QPCT: variants seen among roughly 807,000 people sequenced by gnomAD.
QPCT encodes glutaminyl-peptide cyclotransferase.
A neutral mutation model predicts 43.4 loss-of-function variants in QPCT; 44 were observed. The ratio of observed to expected loss-of-function variants is 1.01; its 90% CI spans 0.80 to 1.30. The LOEUF is 1.30. QPCT is among the 50% of genes most tolerant of loss of function. The pLI is 0.00. For missense variants in QPCT, 526 were observed against 436.5 expected, an observed-to-expected ratio of 1.21 and a Z score of -1.83; for synonymous variants, 168 against 168.4, an observed-to-expected ratio of 1.00 and a Z score of 0.02.
intron 1 of QPCT, among the ~76,000 whole-genome samples, chr2:37,347,481 G>C (rs936356474): frequency 7.3e-5 from 11 of 151,632 alleles, no homozygotes; most frequent in Non-Finnish European, 2.9e-5. Flanking sequence ...AAAGTGTGGG[G>C]CTAGCAGGGA....
chr2:37,352,609 G>A (rs745954477), intron 1 of QPCT, among the ~76,000 whole-genome samples, 180 bp from the exon 2 acceptor site: 4 of 152,194 alleles, frequency 2.6e-5, no homozygotes, highest in African/African-American at 7.2e-5. Flanking sequence ...TGGGATTACA[G>A]GCTTGAGCCA....
chr2:37,355,501 CTT>C (rs934808562), intron 2 of QPCT, among the ~76,000 whole-genome samples: 1 of 151,478 alleles, frequency 6.6e-6, no homozygotes, highest in Non-Finnish European at 1.5e-5. Flanking sequence ...AAAGGGTAAA[CTT>C]GATATAAAAT....
intron 1 of QPCT, among the ~76,000 whole-genome samples, chr2:37,348,943 T>C (rs1325086881): frequency 6.6e-6 from 1 of 152,260 alleles, no homozygotes; most frequent in Non-Finnish European, 1.5e-5. Context: ...TCGCTCTTTC[T>C]TTCCAGCTTT....
At chr2:37,362,790 G>A (rs1343475511) in intron 3 of QPCT, among the ~76,000 whole-genome samples, 5 of 152,218 alleles carry the variant, frequency 3.3e-5, no homozygotes, top group African/African-American at 1.2e-4. Context: ...AATTAGAGAT[G>A]TGATAAGCTG....
intron 1 of QPCT, among the ~76,000 whole-genome samples, chr2:37,350,324 C>T (rs1296898694): frequency 6.6e-6 from 1 of 152,218 alleles, no homozygotes; most frequent in African/African-American, 2.4e-5. Flanking sequence ...CTTCTGACCT[C>T]TTGCCTCCAT....
chr2:37,344,777 C>A lies in QPCT; in HGVS notation c.46C>A (p.Leu16Met). ...GCGCGTCGTGGGCACCCTCCACCTG[C>A]TGCTGCTGGTGGCCGCCCTGCCCTG... ...HRRVVGTLHL[L>M]LLVAALPWAS... is the part of the protein sequence containing the mutation. The change falls in exon 1 of 7, where the codon CTG becomes ATG. Residue 16 changes from leucine (L) to methionine (M), a missense_variant. Leu to Met is a conservative substitution (Grantham distance 15). Coordinates refer to ENST00000338415, the MANE Select transcript of QPCT (RefSeq NM_012413.4). The A allele has an allele frequency of 6.2e-7, 1 of 1,609,774 alleles. No individual in the cohort carries two copies. Among genetic ancestry groups the A allele is most frequent in the Non-Finnish European group, 8.5e-7 (1 of 1,178,834 alleles).
chr2:37,366,919 G>A (rs1250129988), intron 3 of QPCT, among the ~76,000 whole-genome samples: 1 of 152,234 alleles, frequency 6.6e-6, no homozygotes, highest in African/African-American at 2.4e-5. Context: ...TGTATGGGAA[G>A]TGGGTGGTGT....
intron 2 of QPCT, among the ~76,000 whole-genome samples, chr2:37,356,467 G>A (rs1672747638): frequency 2.0e-5 from 3 of 152,152 alleles, no homozygotes; most frequent in African/African-American, 7.2e-5. Flanking sequence ...TGGTATTGGG[G>A]AAGGCAGCTG....
rs754309205 is a variant in QPCT at position 37,372,857 on chromosome 2, C to G, written c.*30C>G. 3.2e-5 allele frequency: 49 copies of G among 1,553,810 alleles called. No homozygotes were observed. Among genetic ancestry groups the G allele is most frequent in the Admixed American group, 2.5e-4 (13 of 51,602 alleles). On this transcript the variant is annotated 3_prime_UTR_variant, in exon 7 of 7. Transcript: ENST00000338415. Reference sequence around the variant, plus strand: ...CTGATTTAGTTTAGGATAATTGGTTCTAGAATTGAATTCAAAAGTCAAGGC... The same window carrying G: ...CTGATTTAGTTTAGGATAATTGGTTGTAGAATTGAATTCAAAAGTCAAGGC...
Position 37,372,676 on chromosome 2 carries a change from T to A in QPCT, c.941-6T>A. 6.2e-7 allele frequency: 1 copy of A among 1,610,838 alleles called. No individual in the cohort carries two copies. The highest frequency in any genetic ancestry group is 8.5e-7 in the Non-Finnish European group (1 of 1,178,818). Reference sequence around the variant, plus strand: ...ACATTGTTACAAGTTGGTTCTTTCTTAATAGGTGTTCCAGTTCTGCATCTG... The same window carrying A: ...ACATTGTTACAAGTTGGTTCTTTCTAAATAGGTGTTCCAGTTCTGCATCTG... On this transcript the variant is annotated splice_polypyrimidine_tract_variant and splice_region_variant and intron_variant, in intron 6 of 6. Transcript: ENST00000338415.
chr2:37,344,636 C>A lies in QPCT; in HGVS notation c.-96C>A. On this transcript the variant is annotated 5_prime_UTR_variant, in exon 1 of 7. Coordinates refer to ENST00000338415, the MANE Select transcript of QPCT (RefSeq NM_012413.4). ...GCGATGGGAAGGCGGGCGCAGTCGA[C>A]CCAAGGGTGGAGAAGAGGGAAGGCG... 6.7e-7 allele frequency: 1 copy of A among 1,495,820 alleles called. No individual in the cohort carries two copies. The highest frequency in any genetic ancestry group is 8.9e-7 in the Non-Finnish European group (1 of 1,122,044). The allele number at this position is 1,495,820 out of a possible 1,614,324, so 92.7% of individuals were successfully genotyped here.
At chr2:37,351,976 G>C (rs1672632296) in intron 1 of QPCT, among the ~76,000 whole-genome samples, 1 of 150,478 alleles carries the variant, frequency 6.6e-6, no homozygotes, top group East Asian at 2.0e-4. Flanking sequence ...GTTGCAGTGA[G>C]CCAGATTGCA....
Position 37,345,292 on chromosome 2 carries a change from C to T in QPCT, c.120+441C>T, listed in dbSNP as rs1468183126. ...CCCACAGCCCCCCCGCTGCTTCATC[C>T]AAGGATGCTGCTGGGGCGCTGAAGT... On this transcript the variant is annotated intron_variant, in intron 1 of 6. Coordinates refer to ENST00000338415, the MANE Select transcript of QPCT (RefSeq NM_012413.4). Among the ~76,000 whole-genome samples the T allele has an allele frequency of 1.1e-4, 15 of 137,376 alleles. No homozygotes were observed. The East Asian group carries it at 3.2e-3, about 29-fold the overall frequency. 90.1% of individuals were successfully genotyped at this position (137,376 alleles called of 152,430 possible).
chr2:37,348,871 G>T (rs1672563096), intron 1 of QPCT, among the ~76,000 whole-genome samples: 1 of 152,110 alleles, frequency 6.6e-6, no homozygotes, highest in African/African-American at 2.4e-5. Flanking sequence ...AATAAATTGG[G>T]GTTTGCATTT....
At chr2:37,345,705 A>G (rs1307163676) in intron 1 of QPCT, among the ~76,000 whole-genome samples, 1 of 152,050 alleles carries the variant, frequency 6.6e-6, no homozygotes, top group African/African-American at 2.4e-5. Context: ...GCGTGGTGGC[A>G]CGCACCTGTA....
At chr2:37,351,976 G>A (rs1672632296) in intron 1 of QPCT, among the ~76,000 whole-genome samples, 1 of 150,478 alleles carries the variant, frequency 6.6e-6, no homozygotes, top group African/African-American at 2.4e-5. Flanking sequence ...GTTGCAGTGA[G>A]CCAGATTGCA....
intron 1 of QPCT, among the ~76,000 whole-genome samples, chr2:37,347,178 T>A (rs1203087160): frequency 1.8e-5 from 1 of 56,422 alleles, no homozygotes; most frequent in African/African-American, 1.0e-4. Flanking sequence ...TATATATATA[T>A]AACATATATA....
intron 2 of QPCT, among the ~76,000 whole-genome samples, chr2:37,359,300 C>T (rs1403346678): frequency 1.3e-5 from 2 of 152,184 alleles, no homozygotes; most frequent in African/African-American, 4.8e-5. Flanking sequence ...CTGCATCAAA[C>T]TATTAACACT....
intron 3 of QPCT, among the ~76,000 whole-genome samples, chr2:37,360,785 C>CTGAGCCTTCTACAATCCCTT (rs1672844802): frequency 6.6e-6 from 1 of 152,110 alleles, no homozygotes; most frequent in South Asian, 2.1e-4. Flanking sequence ...GTTTTGTTTT[C>CTGAGCCTTCTACAATCCCTT]TGAGCCTTCT....
Sources: allele counts gnomAD v4.1 joint callset (sites outside exome capture counted in the v4.1 genomes callset), GRCh38; gene constraint gnomAD v4.1.1; transcripts MANE v1.5; gene names NCBI Gene and HGNC (gene_info 2026-07-23, HGNC 2026-07-21).